Variants in PAK5 observed in about 807,000 individuals in gnomAD.
PAK5 encodes serine/threonine-protein kinase PAK 5.
Under a neutral mutation model 65.9 loss-of-function variants are expected in PAK5, and 16 were observed. That is an observed-to-expected ratio of 0.24 (90% CI 0.16 to 0.37). The LOEUF (loss-of-function observed/expected upper bound fraction) is 0.37. Among genes scored for constraint, PAK5 ranks in the 10% least tolerant of loss-of-function variants. The probability of loss-of-function intolerance (pLI) is 1.00; values close to 1 mark genes in which losing one functional copy is unlikely to be tolerated. For missense variants in PAK5, 785 were observed against 903.9 expected (o/e 0.87, Z 1.69); for synonymous variants, 371 against 354.9 (o/e 1.05, Z -0.51).
chr20:9,823,452 C>T (rs539610866), intron 1 of PAK5, among the ~76,000 whole-genome samples: 29 of 152,302 alleles, frequency 1.9e-4, no homozygotes, highest in Admixed American at 1.5e-3. Flanking sequence ...GTGGAGATAA[C>T]TGAATCATGG....
At chr20:9,653,759 G>A (rs1302035602) in intron 2 of PAK5, among the ~76,000 whole-genome samples, 1 of 152,104 alleles carries the variant, frequency 6.6e-6, no homozygotes, top group Non-Finnish European at 1.5e-5. Flanking sequence ...CGGTTCTGGA[G>A]GTTGGAAGTA....
intron 2 of PAK5, among the ~76,000 whole-genome samples, chr20:9,673,279 A>AG (rs1156754845): frequency 6.6e-6 from 1 of 152,216 alleles, no homozygotes; most frequent in African/African-American, 2.4e-5. Context: ...AGAAAAAAAA[A>AG]GAATTAAAAA....
At chr20:9,821,156 G>A (rs184655899) in intron 1 of PAK5, among the ~76,000 whole-genome samples, 33 of 152,164 alleles carry the variant, frequency 2.2e-4, no homozygotes, top group Admixed American at 7.2e-4. Flanking sequence ...CGAGGCAGGC[G>A]GATCATCTGA....
At chr20:9,610,961 G>T (rs1239136649) in intron 3 of PAK5, among the ~76,000 whole-genome samples, 1 of 152,192 alleles carries the variant, frequency 6.6e-6, no homozygotes, top group Non-Finnish European at 1.5e-5. Context: ...GTCCTTCAGT[G>T]CTCATTCAAA....
chr20:9,614,918 T>G (rs1026740821), intron 3 of PAK5, among the ~76,000 whole-genome samples: 3 of 152,168 alleles, frequency 2.0e-5, no homozygotes, highest in African/African-American at 4.8e-5. Flanking sequence ...TAAGTGAAGG[T>G]AAAATGAAAT....
chr20:9,669,005 A>G (rs2047457216), intron 2 of PAK5, among the ~76,000 whole-genome samples: 1 of 152,238 alleles, frequency 6.6e-6, no homozygotes, highest in Non-Finnish European at 1.5e-5. Context: ...TTTTTAATGT[A>G]TAATGGAACA....
At chr20:9,815,462 C>A (rs59372168) in intron 1 of PAK5, among the ~76,000 whole-genome samples, 2,519 of 152,228 alleles carry the variant, frequency 0.017, 81 homozygotes, top group African/African-American at 0.057. Flanking sequence ...AGCAGCTCTA[C>A]AAATCCATAC....
At chr20:9,823,634 G>A (rs2049449722) in intron 1 of PAK5, among the ~76,000 whole-genome samples, 1 of 152,156 alleles carries the variant, frequency 6.6e-6, no homozygotes, top group Admixed American at 6.6e-5. Flanking sequence ...ATGTAGAACT[G>A]TGAGTCCATT....
chr20:9,824,777 C>A (rs1023729390), intron 1 of PAK5, among the ~76,000 whole-genome samples: 25 of 152,278 alleles, frequency 1.6e-4, no homozygotes, highest in Non-Finnish European at 3.5e-4. Context: ...GACCTTCTGG[C>A]ATTCTATACA....
At chr20:9,811,206 A>C (rs2123755137) in intron 1 of PAK5, among the ~76,000 whole-genome samples, 1 of 152,272 alleles carries the variant, frequency 6.6e-6, no homozygotes, top group Non-Finnish European at 1.5e-5. Context: ...ATCTGCCCCA[A>C]AATATGATCA....
intron 1 of PAK5, among the ~76,000 whole-genome samples, chr20:9,778,185 G>A (rs1354088578): frequency 1.3e-5 from 2 of 152,144 alleles, no homozygotes; most frequent in East Asian, 1.9e-4. Flanking sequence ...TCTCCGTGAT[G>A]AAGAGTAAGT....
At chr20:9,694,826 A>G (rs999833005) in intron 2 of PAK5, among the ~76,000 whole-genome samples, 6 of 152,038 alleles carry the variant, frequency 3.9e-5, no homozygotes, top group African/African-American at 1.2e-4. Flanking sequence ...TTTCTAATTC[A>G]GGACTTTTAA....
At chr20:9,661,049 T>C (rs2047339103) in intron 2 of PAK5, among the ~76,000 whole-genome samples, 1 of 152,176 alleles carries the variant, frequency 6.6e-6, no homozygotes, top group Non-Finnish European at 1.5e-5. Context: ...GCTCTCCAGA[T>C]GATTCTGATG....
chr20:9,568,477 T>C (rs892182199), intron 4 of PAK5, among the ~76,000 whole-genome samples: 1 of 152,144 alleles, frequency 6.6e-6, no homozygotes, highest in African/African-American at 2.4e-5. Context: ...TTGTGGGGTG[T>C]GATAATCAGC....
intron 2 of PAK5, among the ~76,000 whole-genome samples, chr20:9,678,957 G>C (rs1196157237): frequency 6.6e-6 from 1 of 152,120 alleles, no homozygotes; most frequent in Non-Finnish European, 1.5e-5. Flanking sequence ...GGCAGAGTCT[G>C]AATACACAGT....
chr20:9,662,947 A>G (rs2047366963), intron 2 of PAK5, among the ~76,000 whole-genome samples: 1 of 152,196 alleles, frequency 6.6e-6, no homozygotes, highest in Non-Finnish European at 1.5e-5. Context: ...TGTTTATTAC[A>G]TTATATTTAA....
At chr20:9,767,852 C>T (rs926497) in intron 1 of PAK5, among the ~76,000 whole-genome samples, 1 of 151,872 alleles carries the variant, frequency 6.6e-6, no homozygotes, top group Admixed American at 6.5e-5. Flanking sequence ...TGGAATCAAC[C>T]TAGGTGCCCA....
intron 1 of PAK5, among the ~76,000 whole-genome samples, chr20:9,745,811 A>G (rs1372185800): frequency 4.6e-5 from 7 of 152,132 alleles, no homozygotes; most frequent in Non-Finnish European, 8.8e-5. Flanking sequence ...AATTCTGCCT[A>G]AATCCTCTAA....
chr20:9,634,958 G>A (rs2046965936), intron 3 of PAK5, among the ~76,000 whole-genome samples: 1 of 152,094 alleles, frequency 6.6e-6, no homozygotes, highest in Non-Finnish European at 1.5e-5. Context: ...TTTAACAAAG[G>A]ATCAGCAATC....
Sources: allele counts gnomAD v4.1 joint callset (sites outside exome capture counted in the v4.1 genomes callset), GRCh38; gene constraint gnomAD v4.1.1; transcripts MANE v1.5; gene names NCBI Gene and HGNC (gene_info 2026-07-23, HGNC 2026-07-21).